The following NCKAP5 variants were observed in gnomAD, a reference collection of about 807,000 sequenced individuals.
NCKAP5 encodes NCK associated protein 5.
NCKAP5 carries 92 observed loss-of-function variants against 167.0 expected under a neutral mutation model. The ratio of observed to expected loss-of-function variants is 0.55; its 90% CI spans 0.47 to 0.66. The LOEUF (loss-of-function observed/expected upper bound fraction) is 0.66, where lower values mean the gene tolerates loss of function less well. Among genes scored for constraint, NCKAP5 ranks in the 30% least tolerant of loss-of-function variants. The pLI is 0.00. For missense variants in NCKAP5, 2,378 were observed against 2,315.0 expected, an observed-to-expected ratio of 1.03 and a Z score of -0.56; for synonymous variants, 891 against 877.4, an observed-to-expected ratio of 1.02 and a Z score of -0.27.
intron 4 of NCKAP5, among the ~76,000 whole-genome samples, chr2:133,231,590 A>G (rs976198683): frequency 3.3e-5 from 5 of 152,178 alleles, no homozygotes; most frequent in Admixed American, 2.0e-4. Context: ...TACTTGCTGT[A>G]TAAATAACTC....
Position 133,195,495 on chromosome 2 carries a change from T to A in NCKAP5, c.207+18221A>T, listed in dbSNP as rs574911103. On this transcript the variant is annotated intron_variant, in intron 5 of 19. Transcript: ENST00000409261. ...TGTCTTCCACTCAAGCCACTATCAA[T>A]CACTAGGCAAAAGGTATTTGGATGA... 5.9e-5 allele frequency among the ~76,000 whole-genome samples: 9 copies of A among 152,244 alleles called. No homozygotes were observed. The East Asian group carries it at 1.7e-3, about 29-fold the overall frequency.
At position 133,345,431 on chromosome 2, in the gene NCKAP5, T is replaced by C. The variant is rs1358665879; in HGVS notation, c.70-42321A>G. ...AACAAACTAATAGAGATTTCCCACC[T>C]GTCAACTTGACTAGAGAACTGGGTA... On this transcript the variant is annotated intron_variant, in intron 3 of 19. Transcript: ENST00000409261. Among the ~76,000 whole-genome samples the C allele has an allele frequency of 3.9e-5, 6 of 152,352 alleles. No individual in the cohort carries two copies. The East Asian group carries it at 1.2e-3, about 29-fold the overall frequency.
At chr2:133,025,762 A>G (rs2078674282) in intron 6 of NCKAP5, among the ~76,000 whole-genome samples, 1 of 152,216 alleles carries the variant, frequency 6.6e-6, no homozygotes, top group Admixed American at 6.5e-5. Context: ...ATTCAAGTTC[A>G]TTCTTAAGCT....
intron 6 of NCKAP5, among the ~76,000 whole-genome samples, chr2:132,999,400 GGGGACCACCTTTGTCATTGA>G (rs1428811113): frequency 6.6e-6 from 1 of 152,164 alleles, no homozygotes; most frequent in Non-Finnish European, 1.5e-5. Flanking sequence ...CCAGTTCCCA[GGGGACCACCTTTGTCATTGA>G]CCTCCTTTTA....
chr2:133,385,653 T>C (rs1026255947), intron 3 of NCKAP5, among the ~76,000 whole-genome samples: 4 of 152,226 alleles, frequency 2.6e-5, no homozygotes, highest in African/African-American at 9.6e-5. Flanking sequence ...TCTGGTAGAA[T>C]TCGGCTGTGA....
chr2:133,254,611 T>G (rs551576507), intron 4 of NCKAP5, among the ~76,000 whole-genome samples: 15 of 152,166 alleles, frequency 9.9e-5, no homozygotes, highest in Non-Finnish European at 2.2e-4. Flanking sequence ...ATCTGATCCT[T>G]TACTATGGGT....
chr2:132,776,617 T>C (rs886204754), intron 15 of NCKAP5, among the ~76,000 whole-genome samples: 5 of 152,048 alleles, frequency 3.3e-5, no homozygotes, highest in African/African-American at 9.7e-5. Context: ...AAATGGAAAG[T>C]GGGAGAGTGC....
chr2:133,593,853 G>T, the NCKAP5 span, among the ~76,000 whole-genome samples: 1 of 152,124 alleles, frequency 6.6e-6, no homozygotes, highest in African/African-American at 2.4e-5. Context: ...TGTGCATAGG[G>T]GATGCAGCCC....
chr2:133,387,907 GACTT>G (rs1687109061), intron 3 of NCKAP5, among the ~76,000 whole-genome samples: 1 of 152,098 alleles, frequency 6.6e-6, no homozygotes, highest in Non-Finnish European at 1.5e-5. Context: ...CTCCTTTAAG[GACTT>G]CTCTGCATTG....
At chr2:133,502,950 T>A (rs1320546619) in intron 3 of NCKAP5, among the ~76,000 whole-genome samples, 1 of 152,168 alleles carries the variant, frequency 6.6e-6, no homozygotes, top group Non-Finnish European at 1.5e-5. Context: ...TATGTTGCGA[T>A]GGTAGGCATC....
intron 3 of NCKAP5, among the ~76,000 whole-genome samples, chr2:133,333,323 A>T (rs768884005): frequency 1.3e-5 from 2 of 152,178 alleles, no homozygotes; most frequent in Non-Finnish European, 2.9e-5. Flanking sequence ...TGAAGAGGTC[A>T]TTAGTCAGCA....
chr2:133,237,284 G>C (rs1007375733), intron 4 of NCKAP5, among the ~76,000 whole-genome samples: 2 of 152,096 alleles, frequency 1.3e-5, no homozygotes, highest in African/African-American at 4.8e-5. Flanking sequence ...ACCCTTGCTT[G>C]ATGGAGTTAA....
intron 3 of NCKAP5, among the ~76,000 whole-genome samples, chr2:133,456,857 A>G (rs1041280216): frequency 2.6e-5 from 4 of 152,212 alleles, no homozygotes; most frequent in Admixed American, 2.6e-4. Context: ...AAACCCACAC[A>G]TTTAACCACC....
intron 3 of NCKAP5, among the ~76,000 whole-genome samples, chr2:133,403,971 T>TA (rs1458902075): frequency 1.3e-5 from 2 of 152,128 alleles, no homozygotes; most frequent in Non-Finnish European, 2.9e-5. Context: ...TGATGAGCCT[T>TA]GGCCCTTGCC....
intron 19 of NCKAP5, 140 bp from the exon 20 acceptor site, chr2:132,673,445 A>T: frequency 1.5e-6 from 1 of 646,306 alleles, no homozygotes. Context: ...ATCTTCTAGT[A>T]TAATTAGATG....
At chr2:132,841,396 T>C (rs1688285036) in intron 11 of NCKAP5, among the ~76,000 whole-genome samples, 2 of 152,214 alleles carry the variant, frequency 1.3e-5, no homozygotes, top group South Asian at 4.1e-4. Context: ...ATCCAATGAG[T>C]TAACCATATT....
intron 4 of NCKAP5, among the ~76,000 whole-genome samples, chr2:133,241,057 CT>C (rs1284476293): frequency 3.3e-5 from 5 of 152,158 alleles, no homozygotes; most frequent in African/African-American, 1.2e-4. Context: ...ACAGGATTTA[CT>C]TTCTGTTTCA....
intron 8 of NCKAP5, among the ~76,000 whole-genome samples, chr2:132,891,961 T>C (rs1692742796): frequency 6.6e-6 from 1 of 152,226 alleles, no homozygotes; most frequent in African/African-American, 2.4e-5. Flanking sequence ...GTAACGAACA[T>C]GGAGCCTGGC....
intron 8 of NCKAP5, among the ~76,000 whole-genome samples, chr2:132,905,973 G>A (rs370239916): frequency 2.6e-5 from 4 of 152,284 alleles, no homozygotes; most frequent in African/African-American, 9.6e-5. Flanking sequence ...GCAGATCATT[G>A]ATGTGATTGT....
Sources: gnomAD v4.1 joint callset for allele counts (sites outside exome capture counted in the v4.1 genomes callset) on GRCh38, gnomAD v4.1.1 for gene constraint, MANE v1.5 for transcripts, NCBI Gene and HGNC (gene_info 2026-07-23, HGNC 2026-07-21) for gene names.